Variants in HEATR4 observed in about 807,000 individuals in gnomAD.
HEATR4 encodes the protein HEAT repeat containing 4.
Under a neutral mutation model 108.8 loss-of-function variants are expected in HEATR4, and 95 were observed. The observed-to-expected ratio is 0.87, with a 90% CI of 0.74 to 1.04. The LOEUF is 1.04. Among genes scored for constraint, HEATR4 ranks in the 50% least tolerant of loss-of-function variants. HEATR4 has a pLI of 0.00. For missense variants in HEATR4, 1,152 were observed against 1,253.8 expected (o/e 0.92, Z 1.23); for synonymous variants, 443 against 459.4 (o/e 0.96, Z 0.46).
chr14:73,494,135 T>C (rs1474767586), intron 16 of HEATR4, among the ~76,000 whole-genome samples: 1 of 152,194 alleles, frequency 6.6e-6, no homozygotes, highest in Non-Finnish European at 1.5e-5. Flanking sequence ...CTTTCCACTC[T>C]CATTTTTATT....
chr14:73,496,950 G>A (rs1886141740), intron 14 of HEATR4, among the ~76,000 whole-genome samples: 2 of 152,216 alleles, frequency 1.3e-5, no homozygotes, highest in African/African-American at 4.8e-5. Flanking sequence ...GAGTGCAATG[G>A]CACGATCTCG....
At chr14:73,493,386 A>C in intron 16 of HEATR4, 1 of 409,682 alleles carries the variant, frequency 2.4e-6, no homozygotes, top group Non-Finnish European at 4.5e-6. Flanking sequence ...TAAAGTGCCA[A>C]AGAATGTTTC....
rs1566831646 is a variant in HEATR4, at chr14:73,509,356, TG to T, written c.1675del (p.His559IlefsTer14). 6.2e-7 allele frequency: 1 copy of T among 1,614,162 alleles called. No homozygotes were observed. Reference sequence around the variant, plus strand: ...CATGATGTTCCGGGCAAGGGGATTATGTGACTGTATGGCATATTGGCATATT... The same window carrying T: ...CATGATGTTCCGGGCAAGGGGATTATTGACTGTATGGCATATTGGCATATT... ...AAICQYAIQS[H>X]NPLARNIMQT... On this transcript the variant is annotated frameshift_variant, in exon 8 of 18. Coordinates refer to ENST00000553558, the MANE Select transcript of HEATR4 (RefSeq NM_001220484.1). LOFTEE classifies it high-confidence loss of function.
At chr14:73,532,794 AC>A (rs1232469743) in intron 1 of HEATR4, among the ~76,000 whole-genome samples, 4 of 112,212 alleles carry the variant, frequency 3.6e-5, no homozygotes, top group South Asian at 2.8e-4. Context: ...CTCTACTAAA[AC>A]ATACAAAAAA....
At chr14:73,504,389 C>T (rs1443860595) in intron 10 of HEATR4, among the ~76,000 whole-genome samples, 2 of 152,030 alleles carry the variant, frequency 1.3e-5, no homozygotes, top group Non-Finnish European at 2.9e-5. Flanking sequence ...ACTACAGGTG[C>T]CTGCCACCAC....
At chr14:73,583,545 G>T in the HEATR4 span, among the ~76,000 whole-genome samples, 1 of 140,004 alleles carries the variant, frequency 7.1e-6, no homozygotes, top group Non-Finnish European at 1.6e-5. Context: ...TCAGGTGATG[G>T]TTCGACAGTT....
At chr14:73,491,605 C>T (rs1885748373) in intron 17 of HEATR4, 2 of 1,547,134 alleles carry the variant, frequency 1.3e-6, no homozygotes, top group South Asian at 1.2e-5. Context: ...ACCGCATCCC[C>T]AGCAGCCGGC....
chr14:73,553,218 G>T lies in HEATR4; in HGVS notation c.-152+5533C>A, dbSNP rs192658503. 6.1e-3 allele frequency among the ~76,000 whole-genome samples: 698 copies of T among 114,194 alleles called. 165 individuals carry two copies. The highest frequency in any genetic ancestry group is 0.018 in the African/African-American group (628 of 35,344). The allele number at this position is 114,194 out of a possible 152,430, so 74.9% of individuals were successfully genotyped here. On this transcript the variant is annotated intron_variant, in intron 1 of 17. Transcript: ENST00000553558. ...CAAGTCCCCACTTTTTAATACTATC[G>T]CATTGAGGCTGGGCATGGTGGCTCA...
At chr14:73,590,029 C>A in the HEATR4 span, among the ~76,000 whole-genome samples, 1 of 152,036 alleles carries the variant, frequency 6.6e-6, no homozygotes, top group Non-Finnish European at 1.5e-5. Context: ...CAGTGCGGGC[C>A]CAAAAACTGA....
chr14:73,535,469 C>CTTTTTTTTTTT (rs869167008), intron 1 of HEATR4, among the ~76,000 whole-genome samples: 3 of 16,528 alleles, frequency 1.8e-4, no homozygotes, highest in Non-Finnish European at 5.5e-4. Context: ...TTTCTTCTTT[C>CTTTTTTTTTTT]TTTTTTTTTT....
At chr14:73,566,602 C>T in the HEATR4 span, among the ~76,000 whole-genome samples, 4 of 151,772 alleles carry the variant, frequency 2.6e-5, no homozygotes, top group Non-Finnish European at 5.9e-5. Context: ...TTGCCCGGGG[C>T]TGGCAGGGCC....
chr14:73,593,497 C>T, the HEATR4 span, among the ~76,000 whole-genome samples: 793 of 150,450 alleles, frequency 5.3e-3, 10 homozygotes, highest in African/African-American at 0.019. Flanking sequence ...CACCACCACA[C>T]TGACTAATTA....
In HEATR4 at chr14:73,502,921, G is replaced by A. The variant is rs371823233; in HGVS notation, c.2079C>T (p.Leu693=). The change falls in exon 11 of 18, where the codon CTC becomes CTT. Residue 693 remains leucine (L), a synonymous_variant. Transcript: ENST00000553558. The stretch of plus-strand genomic sequence containing the variant: ...TGATTATGTCGTGCACCTCTTTCCC[G>A]AGGCTCATTTGCCCAAGCGCCTGTG... The part of the protein sequence containing the change: ...AAAQALGQMS[L]GKEVHDIIRV... 19 of 1,613,558 alleles carry A rather than the reference G, an allele frequency of 1.2e-5. No individual in the cohort carries two copies. The highest frequency in any genetic ancestry group is 3.3e-5 in the South Asian group (3 of 91,068).
chr14:73,586,136 G>A, the HEATR4 span, among the ~76,000 whole-genome samples: 1 of 151,942 alleles, frequency 6.6e-6, no homozygotes, highest in Non-Finnish European at 1.5e-5. Flanking sequence ...GCTCAGGCCT[G>A]TAATCCCAGC....
upstream of HEATR4, among the ~76,000 whole-genome samples, chr14:73,560,058 TGTATTTCTAATA>T (rs1256827121): frequency 3.3e-5 from 5 of 152,274 alleles, no homozygotes; most frequent in Admixed American, 3.3e-4. Context: ...TCTTCAATCT[TGTATTTCTAATA>T]GTATAATTTC....
At chr14:73,585,538 A>G in the HEATR4 span, among the ~76,000 whole-genome samples, 1 of 151,876 alleles carries the variant, frequency 6.6e-6, no homozygotes, top group Non-Finnish European at 1.5e-5. Context: ...TCCAAAAAAT[A>G]ATTAGCCGGG....
the HEATR4 span, among the ~76,000 whole-genome samples, chr14:73,563,990 G>C: frequency 3.3e-5 from 5 of 151,616 alleles, no homozygotes; most frequent in Non-Finnish European, 5.9e-5. Context: ...GACAGAGTAA[G>C]ACCTAGTCTC....
the HEATR4 span, among the ~76,000 whole-genome samples, chr14:73,602,362 G>A: frequency 6.6e-6 from 1 of 152,130 alleles, no homozygotes; most frequent in African/African-American, 2.4e-5. Flanking sequence ...TTCTGTGCCT[G>A]CCCCAGAAGA....
rs1363893080 is a variant in HEATR4 at position 73,539,677 on chromosome 14, C to CA, written c.-151-9434dup. ...GGAAGCTGCGGTGCTGCTGCAGTGT[C>CA]ACATGCAGCTCCCTGAGAAGCGGCG... On this transcript the variant is annotated intron_variant, in intron 1 of 17. Coordinates refer to ENST00000553558, the MANE Select transcript of HEATR4 (RefSeq NM_001220484.1). 1.7e-5 allele frequency: 2 copies of CA among 118,562 alleles called. 1 individual carries two copies. The highest frequency in any genetic ancestry group is 3.7e-5 in the Non-Finnish European group (2 of 54,178). The allele number at this position is 118,562 out of a possible 1,614,324, so 7.3% of individuals were successfully genotyped here.
Sources: allele counts gnomAD v4.1 joint callset (sites outside exome capture counted in the v4.1 genomes callset), GRCh38; gene constraint gnomAD v4.1.1; transcripts MANE v1.5; gene names NCBI Gene and HGNC (gene_info 2026-07-23, HGNC 2026-07-21).